The following PSKH2 variants were observed in gnomAD, a reference collection of about 807,000 sequenced individuals.
The protein encoded by PSKH2 is serine/threonine-protein kinase H2.
In PSKH2, 16 loss-of-function variants were observed where a neutral mutation model predicts 22.5. The observed-to-expected ratio is 0.71, with a 90% CI of 0.48 to 1.08. The LOEUF is 1.08. Ranked by LOEUF, PSKH2 falls within the 50% of genes least tolerant of loss-of-function variation. PSKH2 has a pLI of 0.00. For missense variants in PSKH2, 516 were observed against 492.8 expected, an observed-to-expected ratio of 1.05 and a Z score of -0.44; for synonymous variants, 188 against 184.8, an observed-to-expected ratio of 1.02 and a Z score of -0.14.
At chr8:86,051,606 C>A (rs968728857) in intron 2 of PSKH2, among the ~76,000 whole-genome samples, 6 of 152,146 alleles carry the variant, frequency 3.9e-5, no homozygotes, top group South Asian at 4.2e-4. Flanking sequence ...CAATGCCATG[C>A]CCTCTGGTTC....
intron 1 of PSKH2, among the ~76,000 whole-genome samples, chr8:86,067,161 GA>G (rs1020183503): frequency 6.6e-6 from 1 of 151,952 alleles, no homozygotes; most frequent in African/African-American, 2.4e-5. Context: ...TCCAATATTT[GA>G]AAAAATGCTA....
intron 2 of PSKH2, among the ~76,000 whole-genome samples, chr8:86,053,187 C>A (rs1292124365): frequency 6.6e-6 from 1 of 152,184 alleles, no homozygotes. Flanking sequence ...CACAACACAG[C>A]CTGGCCTGCC....
In PSKH2 at chr8:86,048,510, G is replaced by C; in HGVS notation, c.1110C>G (p.Ser370Arg). 1 of 1,614,114 alleles carries C rather than the reference G, an allele frequency of 6.2e-7. No individual in the cohort carries two copies. The highest frequency in any genetic ancestry group is 1.1e-5 in the South Asian group (1 of 91,090). Residue 370 changes from serine to arginine, a missense_variant, in exon 3 of 3, where the codon AGC (serine) becomes AGG (arginine). Physicochemically the swap from Ser to Arg is moderately radical, Grantham distance 110. Coordinates refer to ENST00000276616, the MANE Select transcript of PSKH2 (RefSeq NM_033126.3). The part of the protein sequence containing the change: ...HYSHKSRHMW[S>R]KRNLRIVESP... ...ATTCTACTATCCTTAAGTTTCTCTT[G>C]CTCCACATATGCCTGGATTTGTGAG...
intron 1 of PSKH2, among the ~76,000 whole-genome samples, chr8:86,068,798 G>T (rs13438947): frequency 0.022 from 3,317 of 152,190 alleles, 117 homozygotes; most frequent in African/African-American, 0.076. Flanking sequence ...GTCTTCCACC[G>T]CAGATGCTGG....
Position 86,054,441 on chromosome 8 carries a change from A to T in PSKH2, c.853-5674T>A, listed in dbSNP as rs542408567. ...CTTTGCAAATAAATTTTATGTAAAT[A>T]TGCCCCAAACTGATTACTCTCTATG... On this transcript the variant is annotated intron_variant, in intron 2 of 2. Coordinates refer to ENST00000276616, the MANE Select transcript of PSKH2 (RefSeq NM_033126.3). Among the ~76,000 whole-genome samples, 4 of 152,308 alleles carry T rather than the reference A, an allele frequency of 2.6e-5. No individual in the cohort carries two copies. In the East Asian group the frequency reaches 7.7e-4, roughly 29 times the overall value.
chr8:86,049,780 AAAAG>A (rs1261409182), intron 2 of PSKH2, among the ~76,000 whole-genome samples: 2 of 131,642 alleles, frequency 1.5e-5, no homozygotes, highest in African/African-American at 2.5e-5. Context: ...AAAAGAAAGA[AAAAG>A]AAAGGAAGAA....
intron 2 of PSKH2, among the ~76,000 whole-genome samples, chr8:86,057,105 G>A (rs964477897): frequency 6.6e-6 from 1 of 151,814 alleles, no homozygotes; most frequent in African/African-American, 2.4e-5. Flanking sequence ...AATGTTTTTG[G>A]TAGAGATGGG....
intron 2 of PSKH2, among the ~76,000 whole-genome samples, chr8:86,049,589 A>C (rs1276562378): frequency 1.4e-5 from 2 of 145,014 alleles, no homozygotes. Flanking sequence ...AGAGAGAGAG[A>C]GAGAGAGCGA....
chr8:86,066,118 G>A (rs1817853570), intron 1 of PSKH2, among the ~76,000 whole-genome samples: 1 of 151,554 alleles, frequency 6.6e-6, no homozygotes, highest in Non-Finnish European at 1.5e-5. Context: ...CCAACTTCTT[G>A]TTTTACTGAT....
intron 2 of PSKH2, among the ~76,000 whole-genome samples, chr8:86,057,313 C>CACAA (rs55664585): frequency 2.0e-5 from 3 of 151,026 alleles, no homozygotes; most frequent in African/African-American, 7.3e-5. Context: ...CACATACACA[C>CACAA]AAATGCATGC....
chr8:86,052,763 T>TA (rs1817650463), intron 2 of PSKH2, among the ~76,000 whole-genome samples: 2 of 152,200 alleles, frequency 1.3e-5, no homozygotes, highest in Non-Finnish European at 2.9e-5. Flanking sequence ...TGAACCATTT[T>TA]ACAAAAAAAG....
chr8:86,059,296 G>T (rs1490990518), intron 2 of PSKH2, among the ~76,000 whole-genome samples: 1 of 152,110 alleles, frequency 6.6e-6, no homozygotes, highest in African/African-American at 2.4e-5. Context: ...TTTATACAAT[G>T]TGTCATATCT....
chr8:86,051,824 G>C (rs1318480624), intron 2 of PSKH2, among the ~76,000 whole-genome samples: 2 of 152,130 alleles, frequency 1.3e-5, no homozygotes, highest in Non-Finnish European at 2.9e-5. Context: ...TGCAGTTGAA[G>C]AAAATAAAGT....
chr8:86,051,327 A>T (rs1817627191), intron 2 of PSKH2, among the ~76,000 whole-genome samples: 1 of 152,152 alleles, frequency 6.6e-6, no homozygotes, highest in African/African-American at 2.4e-5. Flanking sequence ...ACCTCAGGTG[A>T]TCCGCCTGCC....
rs1817558922 is a variant in PSKH2 at position 86,048,365 on chromosome 8, CA to C, written c.*96del. 1.1e-6 allele frequency: 1 copy of C among 882,800 alleles called. No homozygotes were observed. The allele number at this position is 882,800 out of a possible 1,614,324, so 54.7% of individuals were successfully genotyped here. ...AAAAGTCAAGATCAATAGTATCCAACAATACCATGGAGTCCCGTGTCTTTGG... is the reference window on the plus strand; with the variant it reads ...AAAAGTCAAGATCAATAGTATCCAACATACCATGGAGTCCCGTGTCTTTGG... On this transcript the variant is annotated 3_prime_UTR_variant, in exon 3 of 3. Coordinates refer to ENST00000276616, the MANE Select transcript of PSKH2 (RefSeq NM_033126.3).
At chr8:86,061,866 C>T (rs1344304796) in intron 2 of PSKH2, among the ~76,000 whole-genome samples, 1 of 152,172 alleles carries the variant, frequency 6.6e-6, no homozygotes, top group Non-Finnish European at 1.5e-5. Context: ...TTATCAACCA[C>T]AGGTTCATGA....
chr8:86,062,954 T>G (rs1341098689), intron 2 of PSKH2, among the ~76,000 whole-genome samples: 1 of 152,194 alleles, frequency 6.6e-6, no homozygotes, highest in Non-Finnish European at 1.5e-5. Context: ...AAAAAGACAT[T>G]TTTGTGTTCA....
At chr8:86,067,348 C>T (rs1269377226) in intron 1 of PSKH2, among the ~76,000 whole-genome samples, 1 of 150,400 alleles carries the variant, frequency 6.6e-6, no homozygotes, top group Non-Finnish European at 1.5e-5. Context: ...GTGGCTATAC[C>T]TTGTAAAGTG....
chr8:86,049,754 A>AC (rs1207557334), intron 2 of PSKH2, among the ~76,000 whole-genome samples: 22 of 55,990 alleles, frequency 3.9e-4, no homozygotes, highest in East Asian at 2.3e-3. Flanking sequence ...AAGAAACGAA[A>AC]GAAAGAAAGA....
Sources: gnomAD v4.1 joint callset for allele counts (sites outside exome capture counted in the v4.1 genomes callset) on GRCh38, gnomAD v4.1.1 for gene constraint, MANE v1.5 for transcripts, NCBI Gene and HGNC (gene_info 2026-07-23, HGNC 2026-07-21) for gene names.